Variants in RCBTB1 observed in about 807,000 individuals in gnomAD.
RCBTB1 encodes the protein RCC1 and BTB domain-containing protein 1.
A neutral mutation model predicts 62.4 loss-of-function variants in RCBTB1; 46 were observed. That is an observed-to-expected ratio of 0.74 (90% confidence interval 0.58 to 0.94). The LOEUF is 0.94. Ranked by LOEUF, RCBTB1 falls within the 40% of genes least tolerant of loss-of-function variation. The probability of loss-of-function intolerance (pLI) is 0.00; values close to 1 mark genes in which losing one functional copy is unlikely to be tolerated. For missense variants in RCBTB1, 565 were observed against 654.9 expected (o/e 0.86, Z 1.50); for synonymous variants, 222 against 245.8 (o/e 0.90, Z 0.91).
At chr13:49,574,926 CAT>C (rs1963669748) in intron 2 of RCBTB1, among the ~76,000 whole-genome samples, 1 of 141,626 alleles carries the variant, frequency 7.1e-6, no homozygotes, top group African/African-American at 2.7e-5. Flanking sequence ...AATTCTGATA[CAT>C]ACAACAACAG....
At chr13:49,551,717 G>A (rs1019642337) in intron 7 of RCBTB1, among the ~76,000 whole-genome samples, 6 of 152,060 alleles carry the variant, frequency 3.9e-5, no homozygotes, top group African/African-American at 7.2e-5. Context: ...TGGCTAACAC[G>A]GTGAAACCCC....
intron 2 of RCBTB1, among the ~76,000 whole-genome samples, chr13:49,572,131 A>T (rs1049286978): frequency 2.0e-5 from 3 of 152,114 alleles, no homozygotes; most frequent in Non-Finnish European, 4.4e-5. Context: ...GTTTGAGACC[A>T]GCCTAGATGA....
chr13:49,551,464 A>C lies in RCBTB1; in HGVS notation c.716T>G (p.Val239Gly). Reference protein sequence around the residue: ...ALHSVCVNQIVCGYAHTLALT... With the variant: ...ALHSVCVNQIGCGYAHTLALT... ...TGCTAGAGTATGTGCGTAACCGCAGACAATCTGCAAGTAAATTGAAACGGT... is the reference window on the plus strand; with the variant it reads ...TGCTAGAGTATGTGCGTAACCGCAGCCAATCTGCAAGTAAATTGAAACGGT... The change falls in exon 8 of 13, where the codon GTC becomes GGC. Residue 239 changes from valine to glycine, a missense_variant. By Grantham distance (109) the Val-to-Gly change is moderately radical. Transcript: ENST00000378302. The C allele has an allele frequency of 6.2e-7, 1 of 1,614,058 alleles. No individual in the cohort carries two copies. The highest frequency in any genetic ancestry group is 8.5e-7 in the Non-Finnish European group (1 of 1,179,966).
At chr13:49,567,387 C>A in intron 2 of RCBTB1, 67 bp from the exon 3 acceptor site, 2 of 1,212,454 alleles carry the variant, frequency 1.6e-6, no homozygotes, top group South Asian at 1.4e-5. Flanking sequence ...AAAAAAAAGA[C>A]CTGTTAATAA....
chr13:49,578,790 T>C (rs538986575), intron 2 of RCBTB1, among the ~76,000 whole-genome samples: 1 of 152,352 alleles, frequency 6.6e-6, no homozygotes, highest in South Asian at 2.1e-4. Context: ...TCCAGTTTCC[T>C]AGAAGAACAA....
At chr13:49,554,588 C>T (rs1482241183) in intron 6 of RCBTB1, among the ~76,000 whole-genome samples, 2 of 152,166 alleles carry the variant, frequency 1.3e-5, no homozygotes, top group East Asian at 3.9e-4. Context: ...AGGAGGTGAG[C>T]AGCGGGCAAG....
At position 49,551,379 on chromosome 13, in the gene RCBTB1, A is replaced by G; in HGVS notation, c.801T>C (p.Thr267=). ...GGCTTAGCAGGTTATTTTTATTGCC[A>G]GTTCCCAGCTGCCCATATGTGTTAG... ...WGANTYGQLG[T]GNKNNLLSPA... The change falls in exon 8 of 13, where the codon ACT becomes ACC. Residue 267 remains threonine (T), a synonymous_variant. Coordinates refer to ENST00000378302, the MANE Select transcript of RCBTB1 (RefSeq NM_018191.4). 1 of 1,614,212 alleles carries G rather than the reference A, an allele frequency of 6.2e-7. No individual in the cohort carries two copies. The highest frequency in any genetic ancestry group is 1.1e-5 in the South Asian group (1 of 91,090).
Position 49,550,039 on chromosome 13 carries a change from G to C in RCBTB1, c.855-391C>G, listed in dbSNP as rs113993240. The C allele has an allele frequency of 1.5e-3, 702 of 468,344 alleles. 6 individuals are homozygous for C. The highest frequency in any genetic ancestry group is 0.014 in the African/African-American group (669 of 47,068). The allele number at this position is 468,344 out of a possible 1,614,324, so 29.0% of individuals were successfully genotyped here. A position where few individuals can be genotyped will look rare whatever the true frequency, so the allele number is the denominator to read the frequency against. On this transcript the variant is annotated intron_variant, in intron 8 of 12. Coordinates refer to ENST00000378302, the MANE Select transcript of RCBTB1 (RefSeq NM_018191.4). ...GGATCTCACTCCGTCACCCAGGCTA[G>C]AGCGCAGTGGCATGACCATGGCTCA...
chr13:49,561,417 T>G (rs1453528119), intron 4 of RCBTB1, among the ~76,000 whole-genome samples: 2 of 152,206 alleles, frequency 1.3e-5, no homozygotes, highest in Admixed American at 1.3e-4. Context: ...ATGGGAAATT[T>G]CATCCTGAGA....
In RCBTB1 at chr13:49,549,551, C is replaced by T. The variant is rs746826785; in HGVS notation, c.952G>A (p.Val318Met). ...AAGTGGGTGAGGTGCGGGAGGATCA[C>T]GGACTGACCCCGGCACTGGCCCCAC... ...YMWGQCRGQS[V>M]ILPHLTHFSC... Residue 318 changes from valine to methionine, a missense_variant, in exon 9 of 13, where the codon GTG becomes ATG. Coordinates refer to ENST00000378302, the MANE Select transcript of RCBTB1 (RefSeq NM_018191.4). The T allele has an allele frequency of 8.7e-6, 14 of 1,614,132 alleles. No homozygotes were observed. The highest frequency in any genetic ancestry group is 2.2e-5 in the East Asian group (1 of 44,876).
At chr13:49,576,619 C>G (rs899104160) in intron 2 of RCBTB1, among the ~76,000 whole-genome samples, 12 of 152,130 alleles carry the variant, frequency 7.9e-5, no homozygotes, top group Non-Finnish European at 1.8e-4. Context: ...GCTAAGATGA[C>G]AGGTCCTTCC....
chr13:49,560,079 C>G lies in RCBTB1; in HGVS notation c.283G>C (p.Val95Leu). ...PHVLLSTEDG[V>L]VYAWGHNGYS... ...CCATTGTGGCCCCAGGCATAAACCA[C>G]TCCATCTGTGCACACAAAGCACACA... Residue 95 changes from valine (V) to leucine (L), a missense_variant, in exon 5 of 13, where the codon GTG (valine) becomes CTG (leucine). Val to Leu is a conservative substitution (Grantham distance 32, BLOSUM62 1). Transcript: ENST00000378302. 6.2e-7 allele frequency: 1 copy of G among 1,612,598 alleles called. No homozygotes were observed. The highest frequency in any genetic ancestry group is 8.5e-7 in the Non-Finnish European group (1 of 1,179,568).
intron 2 of RCBTB1, among the ~76,000 whole-genome samples, chr13:49,576,066 A>G (rs1963762911): frequency 6.7e-6 from 1 of 149,708 alleles, no homozygotes; most frequent in Admixed American, 6.7e-5. Context: ...GGGCACCAGT[A>G]GTCCCAGCTA....
At chr13:49,551,603 T>TA (rs1296270629) in intron 7 of RCBTB1, 135 bp from the exon 8 acceptor site, 3 of 1,045,098 alleles carry the variant, frequency 2.9e-6, no homozygotes, top group Non-Finnish European at 4.1e-6. Flanking sequence ...GCTGGAACAT[T>TA]AAAAAAGCAT....
In RCBTB1 at chr13:49,552,174, G is replaced by A. The variant is rs779675956; in HGVS notation, c.711+4C>T. On this transcript the variant is annotated splice_donor_region_variant and intron_variant, in intron 7 of 12. Transcript: ENST00000378302. Reference sequence around the variant, plus strand: ...GCCACTAACTGAGAGTGCACCACACGTACCTGGTTCACACACACGCTGTGC... The same window carrying A: ...GCCACTAACTGAGAGTGCACCACACATACCTGGTTCACACACACGCTGTGC... The A allele has an allele frequency of 2.9e-5, 45 of 1,558,494 alleles. No homozygotes were observed. The East Asian group carries it at 7.9e-4, about 27-fold the overall frequency.
chr13:49,548,530 G>A (rs770683240), intron 9 of RCBTB1, among the ~76,000 whole-genome samples: 1 of 151,832 alleles, frequency 6.6e-6, no homozygotes, highest in Non-Finnish European at 1.5e-5. Context: ...CACTACCCAC[G>A]AGAGTCAAAG....
intron 12 of RCBTB1, chr13:49,539,469 G>C (rs932117154): frequency 3.3e-5 from 5 of 152,178 alleles, no homozygotes; most frequent in African/African-American, 1.2e-4. Flanking sequence ...AGCAACTTGA[G>C]CCGAGACATC....
intron 9 of RCBTB1, chr13:49,546,844 C>T (rs1300425450): frequency 5.6e-6 from 3 of 535,882 alleles, no homozygotes; most frequent in Non-Finnish European, 7.1e-6. Context: ...CACCTCCTGC[C>T]GTGCAACCCA....
At position 49,544,859 on chromosome 13, in the gene RCBTB1, A is replaced by G; in HGVS notation, c.1050T>C (p.His350=). ...AVSWRLLSVE[H]EDFLTVAESL... ...ACTCTGCAACTGTTAAAAAGTCTTC[A>G]TGCTCTGAAGGCAACAAACATATAT... The change falls in exon 10 of 13, where the codon CAT becomes CAC. Residue 350 remains histidine (H), a synonymous_variant. Coordinates refer to ENST00000378302, the MANE Select transcript of RCBTB1 (RefSeq NM_018191.4). 1.9e-6 allele frequency: 3 copies of G among 1,610,724 alleles called. No homozygotes were observed. The highest frequency in any genetic ancestry group is 2.5e-6 in the Non-Finnish European group (3 of 1,179,060).
Sources: allele counts gnomAD v4.1 joint callset (sites outside exome capture counted in the v4.1 genomes callset), GRCh38; gene constraint gnomAD v4.1.1; transcripts MANE v1.5; gene names NCBI Gene and HGNC (gene_info 2026-07-23, HGNC 2026-07-21).